The following TBC1D31 variants were observed in gnomAD, a reference collection of about 807,000 sequenced individuals.
The protein encoded by TBC1D31 is WD repeat domain 67.
Under a neutral mutation model 132.9 loss-of-function variants are expected in TBC1D31, and 99 were observed. That is an observed-to-expected ratio of 0.74 (90% CI 0.63 to 0.88). The LOEUF (loss-of-function observed/expected upper bound fraction) is 0.88. TBC1D31 is among the 40% of genes least tolerant of loss of function. TBC1D31 has a pLI of 0.00. For missense variants in TBC1D31, 1,134 were observed against 1,256.6 expected (o/e 0.90, Z 1.48); for synonymous variants, 385 against 419.4 (o/e 0.92, Z 1.00).
chr8:123,081,177 T>C (rs1815110311), intron 2 of TBC1D31, among the ~76,000 whole-genome samples: 1 of 152,194 alleles, frequency 6.6e-6, no homozygotes, highest in South Asian at 2.1e-4. Flanking sequence ...TGATCATTTT[T>C]CCCCCTTATT....
chr8:123,116,488 G>C (rs1818914123), intron 10 of TBC1D31, among the ~76,000 whole-genome samples: 1 of 152,166 alleles, frequency 6.6e-6, no homozygotes, highest in Non-Finnish European at 1.5e-5. Context: ...TCTTGCAGTA[G>C]TTGATTGGAA....
intron 1 of TBC1D31, among the ~76,000 whole-genome samples, chr8:123,073,948 C>A (rs968879658): frequency 6.6e-6 from 1 of 152,086 alleles, no homozygotes; most frequent in Non-Finnish European, 1.5e-5. Flanking sequence ...AGTCTCCCAA[C>A]GTGCAGGGAT....
chr8:123,117,173 G>C (rs181329158), intron 10 of TBC1D31, among the ~76,000 whole-genome samples: 26 of 151,596 alleles, frequency 1.7e-4, no homozygotes, highest in African/African-American at 6.3e-4. Flanking sequence ...AAATTCGCTG[G>C]GCATGGTGGC....
chr8:123,162,777 C>T, the TBC1D31 span, among the ~76,000 whole-genome samples: 31 of 152,252 alleles, frequency 2.0e-4, no homozygotes, highest in Non-Finnish European at 3.7e-4. Flanking sequence ...TGTGCTAATG[C>T]CGCTTAACAA....
chr8:123,123,925 T>C (rs748901979), intron 11 of TBC1D31, among the ~76,000 whole-genome samples: 6 of 152,318 alleles, frequency 3.9e-5, no homozygotes, highest in Admixed American at 1.3e-4. Flanking sequence ...TAAATTGGCA[T>C]GGAAATTTAA....
chr8:123,124,158 A>G (rs540451512), intron 11 of TBC1D31, among the ~76,000 whole-genome samples: 74 of 152,008 alleles, frequency 4.9e-4, no homozygotes, highest in Admixed American at 1.1e-3. Context: ...AACTTCAGCT[A>G]AGCACTAGCA....
At chr8:123,161,755 A>G in the TBC1D31 span, among the ~76,000 whole-genome samples, 5 of 152,068 alleles carry the variant, frequency 3.3e-5, no homozygotes, top group African/African-American at 1.2e-4. Flanking sequence ...ATTGGCTCAC[A>G]CCTGTAATCC....
At position 123,072,727 on chromosome 8, in the gene TBC1D31, C is replaced by A. The variant is rs1396767323; in HGVS notation, c.-43C>A. ...TGGGCCTGCCGGGAAGGCGCTGGGA[C>A]GGTTACCCAGCGGGCCGCCGGCGGT... On this transcript the variant is annotated 5_prime_UTR_variant, in exon 1 of 22. Coordinates refer to ENST00000287380, the MANE Select transcript of TBC1D31 (RefSeq NM_145647.4). 5.2e-6 allele frequency: 8 copies of A among 1,542,540 alleles called. No homozygotes were observed. The highest frequency in any genetic ancestry group is 7.0e-6 in the Non-Finnish European group (8 of 1,140,390).
rs752151862 is a variant in TBC1D31, at chr8:123,151,944, C to T, written c.*5C>T. The T allele has an allele frequency of 7.2e-6, 11 of 1,520,738 alleles. No homozygotes were observed. Among genetic ancestry groups the T allele is most frequent in the Non-Finnish European group, 1.8e-6 (2 of 1,137,012 alleles). 94.2% of individuals were successfully genotyped at this position (1,520,738 alleles called of 1,614,324 possible). A position where few individuals can be genotyped will look rare whatever the true frequency, so the allele number is the denominator to read the frequency against. ...CCTCATCTTTTGGCTGCATAGAATG[C>T]ATGTCACCTTGAGACGGTCGAGAGA... is the stretch of plus-strand genomic sequence containing the variant. On this transcript the variant is annotated 3_prime_UTR_variant, in exon 22 of 22. Transcript: ENST00000287380.
chr8:123,133,801 T>C (rs1820834880), intron 16 of TBC1D31, among the ~76,000 whole-genome samples: 1 of 152,250 alleles, frequency 6.6e-6, no homozygotes, highest in African/African-American at 2.4e-5. Context: ...CAGATTTAAA[T>C]TGCTCAAGTT....
intron 17 of TBC1D31, among the ~76,000 whole-genome samples, chr8:123,134,974 A>C (rs1410296952): frequency 1.3e-5 from 2 of 152,128 alleles, no homozygotes; most frequent in African/African-American, 4.8e-5. Flanking sequence ...ATCTCAGCTC[A>C]CTACAACCTT....
Position 123,117,052 on chromosome 8 carries a change from C to T in TBC1D31, c.1437-3003C>T, listed in dbSNP as rs376151311. 2.8e-4 allele frequency among the ~76,000 whole-genome samples: 42 copies of T among 152,330 alleles called. 1 individual carries two copies. The South Asian group carries it at 5.2e-3, about 19-fold the overall frequency. ...AGGAGTGCCTGGGCACGGTGGCTCA[C>T]GCCTGCAATCCCAGCACTTTGGGAG... is the stretch of plus-strand genomic sequence containing the variant. On this transcript the variant is annotated intron_variant, in intron 10 of 21. Coordinates refer to ENST00000287380, the MANE Select transcript of TBC1D31 (RefSeq NM_145647.4).
intron 2 of TBC1D31, among the ~76,000 whole-genome samples, chr8:123,080,125 C>T (rs1814981181): frequency 6.6e-6 from 1 of 152,162 alleles, no homozygotes; most frequent in African/African-American, 2.4e-5. Flanking sequence ...TTAGAATACC[C>T]AGAGTATCCA....
At chr8:123,073,769 T>C (rs536704021) in intron 1 of TBC1D31, among the ~76,000 whole-genome samples, 1 of 152,214 alleles carries the variant, frequency 6.6e-6, no homozygotes, top group Non-Finnish European at 1.5e-5. Context: ...CACTGCATCC[T>C]CCACCTCCCG....
intron 8 of TBC1D31, among the ~76,000 whole-genome samples, chr8:123,109,016 G>A (rs1471108842): frequency 6.6e-6 from 1 of 152,156 alleles, no homozygotes. Context: ...GGGATTGTGG[G>A]GATTGTAATT....
In TBC1D31 at chr8:123,125,577, T is replaced by G. The variant is rs377423627; in HGVS notation, c.1571-479T>G. ...TGTTTAAGGGATTAGGGATACAGTATATACACATTTGTTTTTATATATTGC... is the reference window on the plus strand; with the variant it reads ...TGTTTAAGGGATTAGGGATACAGTAGATACACATTTGTTTTTATATATTGC... On this transcript the variant is annotated intron_variant, in intron 11 of 21. Transcript: ENST00000287380. Among the ~76,000 whole-genome samples the G allele has an allele frequency of 2.2e-4, 34 of 152,376 alleles. No homozygotes were observed. In the South Asian group the frequency reaches 6.8e-3, roughly 31 times the overall value.
In TBC1D31 at chr8:123,120,035, C is replaced by G. The variant is rs999075764; in HGVS notation, c.1437-20C>G. The G allele has an allele frequency of 6.5e-7, 1 of 1,540,674 alleles. No individual in the cohort carries two copies. Among genetic ancestry groups the G allele is most frequent in the Admixed American group, 2.2e-5 (1 of 45,250 alleles). The stretch of plus-strand genomic sequence containing the variant: ...TTATTTATTCAAATAAATTTTAATG[C>G]TAAGTTATTTTATTCACAGAACCTT... On this transcript the variant is annotated intron_variant, in intron 10 of 21. Transcript: ENST00000287380.
At chr8:123,097,560 A>C (rs769239013) in intron 6 of TBC1D31, 119 bp downstream of exon 6, 1 of 1,214,748 alleles carries the variant, frequency 8.2e-7, no homozygotes, top group Non-Finnish European at 1.1e-6. Flanking sequence ...TTGAAATTAC[A>C]AATATGTTAT....
intron 7 of TBC1D31, among the ~76,000 whole-genome samples, chr8:123,101,655 C>T (rs1356580048): frequency 6.6e-6 from 1 of 152,116 alleles, no homozygotes; most frequent in Non-Finnish European, 1.5e-5. Context: ...CCTCATGATC[C>T]ACCCACCTTG....
Sources: allele counts gnomAD v4.1 joint callset (sites outside exome capture counted in the v4.1 genomes callset), GRCh38; gene constraint gnomAD v4.1.1; transcripts MANE v1.5; gene names NCBI Gene and HGNC (gene_info 2026-07-23, HGNC 2026-07-21).